Variants in KIF11 observed in about 807,000 individuals in gnomAD.
KIF11 encodes kinesin-like protein KIF11.
A neutral mutation model predicts 121.0 loss-of-function variants in KIF11; 9 were observed. The ratio of observed to expected loss-of-function variants is 0.07; its 90% confidence interval spans 0.04 to 0.13. KIF11 has a LOEUF of 0.13. Ranked by LOEUF, KIF11 falls within the 10% of genes least tolerant of loss-of-function variation. The probability of loss-of-function intolerance (pLI) is 1.00; values close to 1 mark genes in which losing one functional copy is unlikely to be tolerated. For missense variants in KIF11, 846 were observed against 1,217.5 expected, an observed-to-expected ratio of 0.69 and a Z score of 4.54; for synonymous variants, 408 against 421.0, an observed-to-expected ratio of 0.97 and a Z score of 0.38.
intron 1 of KIF11, among the ~76,000 whole-genome samples, chr10:92,605,737 C>T (rs763987363): frequency 1.6e-3 from 251 of 152,266 alleles, no homozygotes; most frequent in Non-Finnish European, 2.3e-3. Context: ...CCGCCTGCCT[C>T]GGCCTCCCAA....
chr10:92,652,999 T>A (rs557685638), intron 21 of KIF11, among the ~76,000 whole-genome samples: 1 of 152,326 alleles, frequency 6.6e-6, no homozygotes, highest in East Asian at 1.9e-4. Flanking sequence ...GTAAGTAGGA[T>A]TCCAATGAAA....
chr10:92,633,615 T>G lies in KIF11; in HGVS notation c.1703-8T>G. ...AAGTTTACATCTTTCTGTTTTTGTTTGTTATAGGTAATCTGCTGTCTTCCA... is the reference window on the plus strand; with the variant it reads ...AAGTTTACATCTTTCTGTTTTTGTTGGTTATAGGTAATCTGCTGTCTTCCA... On this transcript the variant is annotated splice_polypyrimidine_tract_variant and splice_region_variant and intron_variant, in intron 13 of 21. Transcript: ENST00000260731. The G allele has an allele frequency of 1.3e-6, 2 of 1,581,902 alleles. No individual in the cohort carries two copies. The highest frequency in any genetic ancestry group is 1.7e-6 in the Non-Finnish European group (2 of 1,161,156).
chr10:92,596,997 T>C, intron 1 of KIF11: 1 of 400,702 alleles, frequency 2.5e-6, no homozygotes, highest in Admixed American at 2.9e-5. Flanking sequence ...AATGCATGGG[T>C]CACATTTGAT....
At position 92,607,018 on chromosome 10, in the gene KIF11, C is replaced by T. The variant is rs1844437680; in HGVS notation, c.309-141C>T. On this transcript the variant is annotated intron_variant, in intron 3 of 21. Transcript: ENST00000260731. ...TCTCGAACTCCGGACCTCAGGTGAT[C>T]CGCCCACCTCGGCCTCCCAAAGTGT... The T allele has an allele frequency of 4.9e-6, 3 of 613,864 alleles. No individual in the cohort carries two copies. In the South Asian group the frequency reaches 6.0e-5, roughly 12 times the overall value. 38.0% of individuals were successfully genotyped at this position (613,864 alleles called of 1,614,324 possible).
chr10:92,620,072 C>CTT (rs1400799602), intron 9 of KIF11, among the ~76,000 whole-genome samples: 1 of 143,164 alleles, frequency 7.0e-6, no homozygotes, highest in Non-Finnish European at 1.5e-5. Context: ...ATGTCTGGTT[C>CTT]TTTGTCTTTT....
rs575739036 is a variant in KIF11, at chr10:92,644,290, G to A, written c.2268-1073G>A. On this transcript the variant is annotated intron_variant, in intron 17 of 21. Transcript: ENST00000260731. ...CTTATAGTACTTTTAACTCAATCTC[G>A]TCTTCCCATTAAGTTGTGAGATTTT... Among the ~76,000 whole-genome samples the A allele has an allele frequency of 5.9e-5, 9 of 152,042 alleles. No homozygotes were observed. The South Asian group carries it at 1.3e-3, about 21-fold the overall frequency.
intron 12 of KIF11, 25 bp downstream of exon 12, chr10:92,630,389 CTCATATTAAG>C: frequency 1.4e-6 from 2 of 1,464,110 alleles, no homozygotes; most frequent in Non-Finnish European, 1.8e-6. Context: ...TTGATTTGTA[CTCATATTAAG>C]TAGAGAATGG....
intron 21 of KIF11, among the ~76,000 whole-genome samples, chr10:92,651,507 GTTTTTTTTTTTTTTTTTT>G (rs1175303233): frequency 0.069 from 3,643 of 53,012 alleles, 539 homozygotes; most frequent in African/African-American, 0.18. Flanking sequence ...GGCTAATTTT[GTTTTTTTTTTTTTTTTTT>G]TTTTTTTTTT....
At chr10:92,595,747 C>G (rs1284343133) in intron 1 of KIF11, among the ~76,000 whole-genome samples, 1 of 152,132 alleles carries the variant, frequency 6.6e-6, no homozygotes, top group Non-Finnish European at 1.5e-5. Flanking sequence ...CCTCTCCCAT[C>G]AACCCGACAC....
chr10:92,599,524 CAA>C (rs377476272), intron 1 of KIF11, among the ~76,000 whole-genome samples: 16 of 92,352 alleles, frequency 1.7e-4, no homozygotes, highest in Admixed American at 3.7e-4. Context: ...GACTCTGTCT[CAA>C]AAAAAAAAAA....
Position 92,648,368 on chromosome 10 carries a change from A to G in KIF11, c.2704A>G (p.Ile902Val), listed in dbSNP as rs1157657745. The G allele has an allele frequency of 3.7e-6, 6 of 1,613,350 alleles. No homozygotes were observed. The highest frequency in any genetic ancestry group is 1.6e-4 in the Middle Eastern group (1 of 6,062). ...IAQNLELNET[I>V]KIGLTKLNCF... ...ACAAAATCTAGAACTTAATGAAACC[A>G]TAAAAATTGGTTTGACTAAGCTTAA... The change falls in exon 19 of 22, where the codon ATA (isoleucine) becomes GTA (valine). Residue 902 changes from isoleucine (I) to valine (V), a missense_variant. Coordinates refer to ENST00000260731, the MANE Select transcript of KIF11 (RefSeq NM_004523.4).
intron 1 of KIF11, among the ~76,000 whole-genome samples, chr10:92,600,648 C>T (rs1341594540): frequency 1.3e-5 from 2 of 151,806 alleles, no homozygotes; most frequent in Non-Finnish European, 2.9e-5. Context: ...GCTGGGACTA[C>T]AGGCATGCGC....
intron 10 of KIF11, among the ~76,000 whole-genome samples, chr10:92,622,549 A>C (rs1014799278): frequency 4.6e-5 from 7 of 152,130 alleles, no homozygotes; most frequent in East Asian, 1.9e-4. Flanking sequence ...TGGGAGGCAG[A>C]GGTTGCAGTG....
At chr10:92,595,057 C>G (rs1440047668) in intron 1 of KIF11, among the ~76,000 whole-genome samples, 3 of 152,096 alleles carry the variant, frequency 2.0e-5, no homozygotes, top group Admixed American at 6.6e-5. Context: ...CTTTGCAGAT[C>G]ACATGTGGTT....
chr10:92,634,019 G>A (rs539829551), intron 14 of KIF11, among the ~76,000 whole-genome samples: 5 of 151,898 alleles, frequency 3.3e-5, no homozygotes, highest in Admixed American at 6.6e-5. Flanking sequence ...ATGGAGTCTC[G>A]CTCTGTCGTC....
At chr10:92,629,835 C>T (rs1844716976) in intron 11 of KIF11, among the ~76,000 whole-genome samples, 1 of 152,042 alleles carries the variant, frequency 6.6e-6, no homozygotes, top group African/African-American at 2.4e-5. Flanking sequence ...CCAGGCTGGT[C>T]TCAAACTATG....
At chr10:92,608,445 C>T (rs77055019) in intron 4 of KIF11, among the ~76,000 whole-genome samples, 5,153 of 146,122 alleles carry the variant, frequency 0.035, 136 homozygotes, top group Admixed American at 0.062. Context: ...TTGAACTTGG[C>T]GTTTTTTTTT....
chr10:92,642,193 G>T (rs181403435), intron 17 of KIF11, among the ~76,000 whole-genome samples: 9 of 152,014 alleles, frequency 5.9e-5, no homozygotes, highest in African/African-American at 2.2e-4. Flanking sequence ...CTTGATATAT[G>T]ATAAGTGATT....
intron 9 of KIF11, among the ~76,000 whole-genome samples, chr10:92,617,381 T>A (rs534125917): frequency 6.0e-4 from 92 of 152,380 alleles, no homozygotes; most frequent in Admixed American, 1.1e-3. Flanking sequence ...GTTCCACTTA[T>A]AACATGTATC....
Sources: allele counts gnomAD v4.1 joint callset (sites outside exome capture counted in the v4.1 genomes callset), GRCh38; gene constraint gnomAD v4.1.1; transcripts MANE v1.5; gene names NCBI Gene and HGNC (gene_info 2026-07-23, HGNC 2026-07-21).